The following CYP26B1 variants were observed in gnomAD, a reference collection of about 807,000 sequenced individuals.
The protein encoded by CYP26B1 is cytochrome P450 26B1.
In CYP26B1, 8 loss-of-function variants were observed where a neutral mutation model predicts 39.1. The observed-to-expected ratio is 0.20, with a 90% CI of 0.12 to 0.37. The LOEUF is 0.37. Among genes scored for constraint, CYP26B1 ranks in the 10% least tolerant of loss-of-function variants. CYP26B1 has a pLI of 1.00. For synonymous variants in CYP26B1, 321 were observed against 314.3 expected, an observed-to-expected ratio of 1.02 and a Z score of -0.23; for missense variants, 615 against 707.0, an observed-to-expected ratio of 0.87 and a Z score of 1.48.
intron 1 of CYP26B1, chr2:72,144,653 C>A (rs1181865954): frequency 3.5e-5 from 8 of 227,446 alleles, no homozygotes; most frequent in Non-Finnish European, 5.8e-5. Context: ...TAGCGGTAAG[C>A]GGTCGGTGCC....
At chr2:72,136,133 G>A (rs1572925070) in intron 2 of CYP26B1, among the ~76,000 whole-genome samples, 2 of 152,260 alleles carry the variant, frequency 1.3e-5, no homozygotes, top group East Asian at 3.9e-4. Context: ...TTCATGTGTG[G>A]AGGAGAGGGG....
chr2:72,144,212 C>T lies in CYP26B1; in HGVS notation c.206G>A (p.Gly69Asp). The T allele has an allele frequency of 6.3e-7, 1 of 1,586,048 alleles. No individual in the cohort carries two copies. Among genetic ancestry groups the T allele is most frequent in the Non-Finnish European group, 8.6e-7 (1 of 1,160,540 alleles). Residue 69 changes from glycine to aspartate, a missense_variant and splice_region_variant, in exon 2 of 6, where the codon GGT (glycine) becomes GAT (aspartate). Coordinates refer to ENST00000001146, the MANE Select transcript of CYP26B1 (RefSeq NM_019885.4). ...CCTCCGCGACGACTGGAAGCCAGAA[C>T]CCTGCGGGAGCCACACCCGGGTCTC... is the stretch of plus-strand genomic sequence containing the variant. ...IGETGHWLLQ[G>D]SGFQSSRREK... is the part of the protein sequence containing the mutation.
chr2:72,142,015 G>A lies in CYP26B1; in HGVS notation c.429+1974C>T, dbSNP rs567583886. Among the ~76,000 whole-genome samples, 36 of 152,198 alleles carry A rather than the reference G, an allele frequency of 2.4e-4. 1 individual carries two copies. Among genetic ancestry groups the A allele is most frequent in the Middle Eastern group, 3.4e-3 (1 of 294 alleles). On this transcript the variant is annotated intron_variant, in intron 2 of 5. Transcript: ENST00000001146. The stretch of plus-strand genomic sequence containing the variant: ...CCCACCCCCAGGGAGCTAAAAGACC[G>A]GCTGTTCTGAATAGGGAGCCATCGC...
chr2:72,134,959 C>G (rs1558967658), intron 3 of CYP26B1, 43 bp from the exon 4 acceptor site: 1 of 1,610,368 alleles, frequency 6.2e-7, no homozygotes, highest in East Asian at 2.2e-5. Context: ...GGGCAGGCTC[C>G]CATCTGAGCC....
At chr2:72,144,702 C>A (rs1355595373) in intron 1 of CYP26B1, among the ~76,000 whole-genome samples, 4 of 152,214 alleles carry the variant, frequency 2.6e-5, no homozygotes, top group Admixed American at 2.6e-4. Flanking sequence ...GAGTTTCCTC[C>A]GCTCTCCGGT....
At chr2:72,137,223 C>G (rs1023970263) in intron 2 of CYP26B1, among the ~76,000 whole-genome samples, 1 of 152,146 alleles carries the variant, frequency 6.6e-6, no homozygotes, top group African/African-American at 2.4e-5. Flanking sequence ...CAGCCAAAGT[C>G]GAAGCTGGTG....
In CYP26B1 at chr2:72,130,568, ATTCT is replaced by A. The variant is rs1340480378; in HGVS notation, c.*1655_*1658del. On this transcript the variant is annotated 3_prime_UTR_variant, in exon 6 of 6. Transcript: ENST00000001146. Reference sequence around the variant, plus strand: ...GCGATCGGGGACTGGCATGTCCTTCATTCTTCTGTGTTTTCGATTTTCTTGTAAA... The same window carrying A: ...GCGATCGGGGACTGGCATGTCCTTCATCTGTGTTTTCGATTTTCTTGTAAA... The A allele has an allele frequency of 6.6e-6, 1 of 152,160 alleles. No individual in the cohort carries two copies. Among genetic ancestry groups the A allele is most frequent in the Admixed American group, 6.5e-5 (1 of 15,280 alleles). The allele number at this position is 152,160 out of a possible 1,614,324, so 9.4% of individuals were successfully genotyped here. A position where few individuals can be genotyped will look rare whatever the true frequency, so the allele number is the denominator to read the frequency against.
Position 72,134,815 on chromosome 2 carries a change from G to C in CYP26B1, c.807C>G (p.Leu269=). The change falls in exon 4 of 6, where the codon CTC becomes CTG. Residue 269 remains leucine, a synonymous_variant. Coordinates refer to ENST00000001146, the MANE Select transcript of CYP26B1 (RefSeq NM_019885.4). ...CGTGCTCCTTGCTGCTCTCAATGAG[G>C]AGGTCCAGGGCGTCCAAGTAGTCCT... ...QGKDYLDALD[L]LIESSKEHGK... is the part of the protein sequence containing the mutation. The C allele has an allele frequency of 2.5e-6, 4 of 1,614,170 alleles. No individual in the cohort carries two copies. Among genetic ancestry groups the C allele is most frequent in the Non-Finnish European group, 3.4e-6 (4 of 1,180,002 alleles).
At position 72,130,856 on chromosome 2, in the gene CYP26B1, C is replaced by T. The variant is rs889919053; in HGVS notation, c.*1371G>A. 6.6e-5 allele frequency: 10 copies of T among 152,332 alleles called. No homozygotes were observed. Among genetic ancestry groups the T allele is most frequent in the African/African-American group, 2.4e-4 (10 of 41,558 alleles). 9.4% of individuals were successfully genotyped at this position (152,332 alleles called of 1,614,324 possible). A position where few individuals can be genotyped will look rare whatever the true frequency, so the allele number is the denominator to read the frequency against. On this transcript the variant is annotated 3_prime_UTR_variant, in exon 6 of 6. Transcript: ENST00000001146. ...CAGCCTTCCCGCAGCTGTCCGGAGA[C>T]CACACAGGGCCCTGCAATCAGCTCC...
intron 2 of CYP26B1, chr2:72,143,136 G>A (rs922269595): frequency 6.1e-6 from 1 of 165,040 alleles, no homozygotes; most frequent in African/African-American, 2.4e-5. Flanking sequence ...TGAGTCCTCT[G>A]ACCCAGTGGA....
intron 1 of CYP26B1, among the ~76,000 whole-genome samples, chr2:72,144,975 A>G (rs1677077561): frequency 6.6e-6 from 1 of 151,962 alleles, no homozygotes; most frequent in Admixed American, 6.5e-5. Context: ...CGGCTGGCGG[A>G]GCCGGCCGGG....
At chr2:72,140,384 G>A (rs1676909923) in intron 2 of CYP26B1, among the ~76,000 whole-genome samples, 1 of 152,226 alleles carries the variant, frequency 6.6e-6, no homozygotes, top group Admixed American at 6.5e-5. Flanking sequence ...CCACCCGCTG[G>A]TGCTACAGTA....
chr2:72,140,074 G>A (rs552980397), intron 2 of CYP26B1, among the ~76,000 whole-genome samples: 1 of 152,280 alleles, frequency 6.6e-6, no homozygotes, highest in South Asian at 2.1e-4. Flanking sequence ...AGACCCCACC[G>A]AGCCTTCCCA....
At position 72,135,217 on chromosome 2, in the gene CYP26B1, A is replaced by G; in HGVS notation, c.632T>C (p.Phe211Ser). 1 of 1,614,050 alleles carries G rather than the reference A, an allele frequency of 6.2e-7. No individual in the cohort carries two copies. Among genetic ancestry groups the G allele is most frequent in the Non-Finnish European group, 8.5e-7 (1 of 1,180,026 alleles). ...GTCCACAAACTGCTGGTAGACCTCA[A>G]AGAGGTGCCCAAGGTCCTCCTCAGG... is the stretch of plus-strand genomic sequence containing the variant. ...SIPEEDLGHLFEVYQQFVDNV... is the reference protein window; with the variant it reads ...SIPEEDLGHLSEVYQQFVDNV... Residue 211 changes from phenylalanine to serine, a missense_variant, in exon 3 of 6, where the codon TTT becomes TCT. Transcript: ENST00000001146.
At chr2:72,143,100 C>T (rs1053413266) in intron 2 of CYP26B1, 6 of 167,018 alleles carry the variant, frequency 3.6e-5, no homozygotes, top group Admixed American at 1.3e-4. Flanking sequence ...GGCTGCCTCT[C>T]CCTTTCCTTA....
rs1461579414 is a variant in CYP26B1, at chr2:72,147,701, C to A, written c.134G>T (p.Cys45Phe). ...LRWAATRDKS[C>F]KLPIPKGSMG... is the part of the protein sequence containing the mutation. The stretch of plus-strand genomic sequence containing the variant: ...GGATCCCTTGGGGATGGGCAGCTTG[C>A]AGCTCTTGTCGCGAGTGGCGGCCCA... Residue 45 changes from cysteine (C) to phenylalanine (F), a missense_variant, in exon 1 of 6, where the codon TGC becomes TTC. Cys to Phe is a radical substitution (Grantham distance 205, BLOSUM62 -2). Transcript: ENST00000001146. The surrounding 1 kb of genome is among the most constrained non-coding windows in gnomAD (Gnocchi z 6.1). 2 of 1,607,442 alleles carry A rather than the reference C, an allele frequency of 1.2e-6. No individual in the cohort carries two copies. Among genetic ancestry groups the A allele is most frequent in the African/African-American group, 1.3e-5 (1 of 74,646 alleles).
Position 72,135,158 on chromosome 2 carries a change from T to C in CYP26B1, c.691A>G (p.Ser231Gly), listed in dbSNP as rs745709853. 1.2e-6 allele frequency: 2 copies of C among 1,613,870 alleles called. No individual in the cohort carries two copies. The highest frequency in any genetic ancestry group is 1.7e-5 in the Admixed American group (1 of 60,022). ...TGGGTGCTCACCCGCCGGTAGCCAC[T>C]GAAGGGCAGGTCGACAGGCAGGGAG... is the stretch of plus-strand genomic sequence containing the variant. ...VFSLPVDLPFSGYRRGIQARQ... is the reference protein window; with the variant it reads ...VFSLPVDLPFGGYRRGIQARQ... The change falls in exon 3 of 6, where the codon AGT (serine) becomes GGT (glycine). Residue 231 changes from serine (S) to glycine (G), a missense_variant. By Grantham distance (56) the Ser-to-Gly change is moderately conservative (BLOSUM62 0). Coordinates refer to ENST00000001146, the MANE Select transcript of CYP26B1 (RefSeq NM_019885.4).
intron 3 of CYP26B1, 88 bp downstream of exon 3, chr2:72,135,056 C>A: frequency 6.2e-7 from 1 of 1,603,734 alleles, no homozygotes. Flanking sequence ...CCTAGGTGCC[C>A]ATCTCAGGGG....
At chr2:72,143,458 G>A (rs1415998730) in intron 2 of CYP26B1, among the ~76,000 whole-genome samples, 3 of 140,336 alleles carry the variant, frequency 2.1e-5, no homozygotes, top group African/African-American at 8.1e-5. Flanking sequence ...AGACCCGTGC[G>A]CTCCGCTGCC....
Sources: allele counts gnomAD v4.1 joint callset (sites outside exome capture counted in the v4.1 genomes callset), GRCh38; gene constraint gnomAD v4.1.1; non-coding constraint Gnocchi (gnomAD v3.1); transcripts MANE v1.5; gene names NCBI Gene and HGNC (gene_info 2026-07-23, HGNC 2026-07-21).